PDE4D: variants seen among roughly 807,000 people sequenced by gnomAD.
The protein encoded by PDE4D is 3',5'-cyclic-AMP phosphodiesterase 4D.
In PDE4D, 24 loss-of-function variants were observed where a neutral mutation model predicts 87.4. That is an observed-to-expected ratio of 0.27 (90% CI 0.20 to 0.39). The LOEUF (loss-of-function observed/expected upper bound fraction) is 0.39, where lower values mean the gene tolerates loss of function less well. Among genes scored for constraint, PDE4D ranks in the 10% least tolerant of loss-of-function variants. The pLI is 1.00. For synonymous variants in PDE4D, 384 were observed against 383.2 expected, an observed-to-expected ratio of 1.00 and a Z score of -0.02; for missense variants, 714 against 1,041.0, an observed-to-expected ratio of 0.69 and a Z score of 4.32.
chr5:59,832,232 A>G (rs1427146194), intron 1 of PDE4D, among the ~76,000 whole-genome samples: 1 of 152,026 alleles, frequency 6.6e-6, no homozygotes, highest in African/African-American at 2.4e-5. Context: ...CATAGACTCA[A>G]AGTAGTGTGG....
At chr5:59,045,057 G>A (rs1225314070) in intron 5 of PDE4D, among the ~76,000 whole-genome samples, 1 of 152,156 alleles carries the variant, frequency 6.6e-6, no homozygotes, top group Non-Finnish European at 1.5e-5. Context: ...TCCAGCAGAG[G>A]AGGTAATTTC....
intron 1 of PDE4D, among the ~76,000 whole-genome samples, chr5:59,257,608 A>G (rs568723441): frequency 6.6e-6 from 1 of 152,168 alleles, no homozygotes; most frequent in African/African-American, 2.4e-5. Context: ...AGGCAAATTT[A>G]GCTCAGAGAG....
chr5:59,299,683 C>T (rs1416054457), intron 1 of PDE4D, among the ~76,000 whole-genome samples: 1 of 152,126 alleles, frequency 6.6e-6, no homozygotes, highest in African/African-American at 2.4e-5. Flanking sequence ...TAGTAAATTG[C>T]CAAGTTTTCT....
chr5:59,564,386 G>A (rs1299953771), intron 1 of PDE4D, among the ~76,000 whole-genome samples: 1 of 152,162 alleles, frequency 6.6e-6, no homozygotes, highest in African/African-American at 2.4e-5. Context: ...CATGAACTTG[G>A]AAGTGAGAGA....
intron 1 of PDE4D, among the ~76,000 whole-genome samples, chr5:60,233,210 C>G (rs1746019526): frequency 6.6e-6 from 1 of 151,670 alleles, no homozygotes. Context: ...CACACACACA[C>G]ACACACTGAG....
chr5:59,501,289 T>C (rs1044760162), intron 1 of PDE4D, among the ~76,000 whole-genome samples: 3 of 152,172 alleles, frequency 2.0e-5, no homozygotes, highest in Non-Finnish European at 2.9e-5. Context: ...TTATCTGTGC[T>C]GGGATATGGA....
At chr5:59,594,892 T>C (rs910708363) in intron 1 of PDE4D, among the ~76,000 whole-genome samples, 1 of 152,102 alleles carries the variant, frequency 6.6e-6, no homozygotes, top group Non-Finnish European at 1.5e-5. Context: ...GAGATAATGA[T>C]GTATCAATGT....
At chr5:60,295,426 T>C (rs1753289311) in intron 1 of PDE4D, among the ~76,000 whole-genome samples, 2 of 152,192 alleles carry the variant, frequency 1.3e-5, no homozygotes, top group Non-Finnish European at 2.9e-5. Flanking sequence ...TTGTTCCCAA[T>C]CTTATGGGAA....
chr5:60,169,705 T>C (rs1392140779), intron 2 of PDE4D, among the ~76,000 whole-genome samples: 2 of 152,048 alleles, frequency 1.3e-5, no homozygotes, highest in Non-Finnish European at 2.9e-5. Flanking sequence ...CGTATTCATG[T>C]TGAGTGAGAT....
At chr5:60,489,094 A>G (rs1225647218), upstream of PDE4D, among the ~76,000 whole-genome samples, 1 of 150,914 alleles carries the variant, frequency 6.6e-6, no homozygotes, top group Non-Finnish European at 1.5e-5. Flanking sequence ...AGAGGCAACT[A>G]AAATAAGAAA....
chr5:59,519,487 G>T (rs1037332595), intron 1 of PDE4D, among the ~76,000 whole-genome samples: 1 of 152,220 alleles, frequency 6.6e-6, no homozygotes, highest in Non-Finnish European at 1.5e-5. Flanking sequence ...GTAGTGCAAA[G>T]GCTGTGATGC....
chr5:59,377,068 TAAA>T (rs1283922022), intron 1 of PDE4D, among the ~76,000 whole-genome samples: 4 of 151,990 alleles, frequency 2.6e-5, no homozygotes, highest in Non-Finnish European at 5.9e-5. Flanking sequence ...CCCAAAGCTA[TAAA>T]AATCCCAGAA....
intron 5 of PDE4D, among the ~76,000 whole-genome samples, chr5:59,170,629 A>G (rs1488681939): frequency 6.6e-6 from 1 of 152,232 alleles, no homozygotes; most frequent in Non-Finnish European, 1.5e-5. Flanking sequence ...GTTCAATTCA[A>G]TATACATAAT....
rs957101947 is a variant in PDE4D, at chr5:59,970,039, A to G, written c.272+18449T>C. Among the ~76,000 whole-genome samples, 4 of 152,294 alleles carry G rather than the reference A, an allele frequency of 2.6e-5. No homozygotes were observed. The East Asian group carries it at 7.7e-4, about 29-fold the overall frequency. On this transcript the variant is annotated intron_variant, in intron 3 of 16. Coordinates refer to the PDE4D transcript ENST00000502484. ...ACACCTGTAACAAAAGTTAAATGCA[A>G]CTTTTTTCATCTTTTTCCTCACGAT... is the stretch of plus-strand genomic sequence containing the variant.
In PDE4D at chr5:60,212,168, T is replaced by A. The variant is rs191467159; in HGVS notation, c.-89-26481A>T. ...TAGCTCTTTGTCATTATATATATATTTTTTTTCTCAAGTAACACATTCTAA... is the reference window on the plus strand; with the variant it reads ...TAGCTCTTTGTCATTATATATATATATTTTTTCTCAAGTAACACATTCTAA... On this transcript the variant is annotated intron_variant, in intron 1 of 16. Transcript: ENST00000502484. Among the ~76,000 whole-genome samples, 1,086 of 147,856 alleles carry A rather than the reference T, an allele frequency of 7.3e-3. 11 individuals carry two copies. The highest frequency in any genetic ancestry group is 0.022 in the African/African-American group (910 of 41,062).
intron 1 of PDE4D, among the ~76,000 whole-genome samples, chr5:59,473,403 T>C (rs1802784920): frequency 6.6e-6 from 1 of 152,078 alleles, no homozygotes; most frequent in Non-Finnish European, 1.5e-5. Flanking sequence ...CACTAATAAT[T>C]ATATCTAAAG....
chr5:60,244,551 A>C (rs1215725439), intron 1 of PDE4D, among the ~76,000 whole-genome samples: 3 of 152,038 alleles, frequency 2.0e-5, no homozygotes, highest in Non-Finnish European at 4.4e-5. Flanking sequence ...TCCAAATTAT[A>C]CTATAGAGCT....
At chr5:59,241,189 C>A (rs1339899767) in intron 1 of PDE4D, among the ~76,000 whole-genome samples, 1 of 152,092 alleles carries the variant, frequency 6.6e-6, no homozygotes, top group African/African-American at 2.4e-5. Context: ...ATCTGCCTAC[C>A]ATAAAAACAA....
intron 1 of PDE4D, among the ~76,000 whole-genome samples, chr5:60,416,841 C>CTG (rs1742637521): frequency 6.6e-6 from 1 of 152,204 alleles, no homozygotes; most frequent in Non-Finnish European, 1.5e-5. Context: ...GTGGAACATG[C>CTG]TGTGTCCCAC....
Sources: allele counts gnomAD v4.1 joint callset (sites outside exome capture counted in the v4.1 genomes callset), GRCh38; gene constraint gnomAD v4.1.1; transcripts MANE v1.5; gene names NCBI Gene and HGNC (gene_info 2026-07-23, HGNC 2026-07-21).